Variants in ARHGAP6 observed in about 807,000 individuals in gnomAD.
ARHGAP6 encodes rho GTPase-activating protein 6.
A neutral mutation model predicts 55.7 loss-of-function variants in ARHGAP6; 16 were observed. The observed-to-expected ratio is 0.29, with a 90% CI of 0.19 to 0.44. The LOEUF (loss-of-function observed/expected upper bound fraction) is 0.44, where lower values mean the gene tolerates loss of function less well. Among genes scored for constraint, ARHGAP6 ranks in the 20% least tolerant of loss-of-function variants. ARHGAP6 has a pLI of 1.00. For missense variants in ARHGAP6, 698 were observed against 808.9 expected, an observed-to-expected ratio of 0.86 and a Z score of 1.66; for synonymous variants, 382 against 360.9, an observed-to-expected ratio of 1.06 and a Z score of -0.66.
At chrX:11,383,662 G>A (rs755203227) in intron 1 of ARHGAP6, among the ~76,000 whole-genome samples, 18 of 111,251 alleles carry the variant, frequency 1.6e-4, no homozygotes, top group Non-Finnish European at 3.4e-4. Flanking sequence ...TGACCTGCTC[G>A]TACATTTCTA....
chrX:11,145,417 G>A (rs771238840), intron 10 of ARHGAP6, among the ~76,000 whole-genome samples: 63 of 111,860 alleles, frequency 5.6e-4, no homozygotes, highest in African/African-American at 1.9e-3. Flanking sequence ...TGCCACAGCC[G>A]TAACTGAGGC....
chrX:11,453,906 T>G (rs1225191351), intron 1 of ARHGAP6, among the ~76,000 whole-genome samples: 1 of 111,514 alleles, frequency 9.0e-6, no homozygotes, highest in East Asian at 2.8e-4. Flanking sequence ...TCTCATCTTC[T>G]TTCCTTGGCT....
intron 1 of ARHGAP6, among the ~76,000 whole-genome samples, chrX:11,436,129 G>A (rs745706356): frequency 8.9e-6 from 1 of 112,203 alleles, no homozygotes; most frequent in South Asian, 3.7e-4. Flanking sequence ...AGAGTCTATC[G>A]AAAAGCCTTC....
intron 1 of ARHGAP6, among the ~76,000 whole-genome samples, chrX:11,467,226 C>G (rs2050302200): frequency 9.0e-6 from 1 of 110,890 alleles, no homozygotes. Flanking sequence ...ATTGCTTGAT[C>G]CCAGGAGTTC....
intron 1 of ARHGAP6, among the ~76,000 whole-genome samples, chrX:11,467,275 C>T (rs770387362): frequency 1.4e-4 from 15 of 110,145 alleles, no homozygotes; most frequent in African/African-American, 3.6e-4. Flanking sequence ...CCCATTTCCA[C>T]GAAATATTTA....
chrX:11,317,030 G>T (rs1181294077), intron 1 of ARHGAP6, among the ~76,000 whole-genome samples: 1 of 112,357 alleles, frequency 8.9e-6, no homozygotes, highest in Non-Finnish European at 1.9e-5. Context: ...GCATTTTGGG[G>T]CTCAGTGAGC....
chrX:11,511,668 A>T (rs952672109), intron 1 of ARHGAP6, among the ~76,000 whole-genome samples: 2 of 111,790 alleles, frequency 1.8e-5, no homozygotes, highest in African/African-American at 6.5e-5. Context: ...ATTTTGGTCC[A>T]TTGCAGAACA....
intron 1 of ARHGAP6, among the ~76,000 whole-genome samples, chrX:11,590,604 G>A (rs761868550): frequency 1.9e-5 from 2 of 106,460 alleles, no homozygotes; most frequent in Non-Finnish European, 3.8e-5. Context: ...GGCCAACATG[G>A]TGAAACCCCA....
At chrX:11,513,658 A>G (rs2050806598) in intron 1 of ARHGAP6, among the ~76,000 whole-genome samples, 1 of 110,623 alleles carries the variant, frequency 9.0e-6, no homozygotes, top group South Asian at 3.9e-4. Context: ...AACGTATGAG[A>G]CCCAGTTCTT....
chrX:11,490,701 G>A (rs2050558701), intron 1 of ARHGAP6, among the ~76,000 whole-genome samples: 1 of 112,027 alleles, frequency 8.9e-6, no homozygotes, highest in Admixed American at 9.4e-5. Flanking sequence ...CCAGTTTATG[G>A]CTATTCACAG....
chrX:11,465,457 A>G (rs1036389548), intron 1 of ARHGAP6, among the ~76,000 whole-genome samples: 1 of 112,527 alleles, frequency 8.9e-6, no homozygotes, highest in Non-Finnish European at 1.9e-5. Flanking sequence ...TAAGTAGTTG[A>G]AACTGACTTT....
chrX:11,484,487 C>A, intron 1 of ARHGAP6, among the ~76,000 whole-genome samples: 1 of 84,236 alleles, frequency 1.2e-5, no homozygotes. Flanking sequence ...AAAATGAGAG[C>A]AGAGGAGAAG....
At chrX:11,344,696 A>AG (rs1569307994) in intron 1 of ARHGAP6, among the ~76,000 whole-genome samples, 9 of 100,871 alleles carry the variant, frequency 8.9e-5, no homozygotes, top group Admixed American at 1.1e-4. Flanking sequence ...AAAAAAAAAA[A>AG]AAAAAAAAGA....
intron 1 of ARHGAP6, among the ~76,000 whole-genome samples, chrX:11,447,108 C>T (rs907984909): frequency 3.6e-5 from 4 of 111,792 alleles, no homozygotes; most frequent in African/African-American, 9.8e-5. Flanking sequence ...GACACTGTAG[C>T]GTCAGACACG....
chrX:11,627,431 A>G (rs1019191476), intron 1 of ARHGAP6, among the ~76,000 whole-genome samples: 3 of 112,290 alleles, frequency 2.7e-5, no homozygotes, highest in Admixed American at 1.9e-4. Flanking sequence ...GGAATATTAT[A>G]TAACAATTAA....
chrX:11,640,224 G>A (rs1474537855), intron 1 of ARHGAP6, among the ~76,000 whole-genome samples: 2 of 111,637 alleles, frequency 1.8e-5, no homozygotes, highest in African/African-American at 6.5e-5. Context: ...TCTCTCATCA[G>A]GCTATTTGTT....
intron 2 of ARHGAP6, among the ~76,000 whole-genome samples, chrX:11,252,428 G>A (rs937837300): frequency 8.9e-6 from 1 of 112,489 alleles, no homozygotes; most frequent in African/African-American, 3.2e-5. Context: ...TGTGAGTTAT[G>A]TTGGAGGGAG....
chrX:11,151,167 A>G (rs1425846996), intron 10 of ARHGAP6, among the ~76,000 whole-genome samples: 1 of 111,575 alleles, frequency 9.0e-6, no homozygotes, highest in Non-Finnish European at 1.9e-5. Flanking sequence ...AGGGTAGGGG[A>G]ACTATTTTAA....
Position 11,646,470 on chromosome X carries a change from T to G in ARHGAP6, c.588+17771A>C, listed in dbSNP as rs1482228294. 2.7e-5 allele frequency among the ~76,000 whole-genome samples: 3 copies of G among 111,470 alleles called. No homozygotes were observed. The East Asian group carries it at 8.5e-4, about 31-fold the overall frequency. ...AAACGCTGAGGAACAATAAGAAATGTGTTCAAGATTCCAAGGTTACAAAAA... is the reference window on the plus strand; with the variant it reads ...AAACGCTGAGGAACAATAAGAAATGGGTTCAAGATTCCAAGGTTACAAAAA... On this transcript the variant is annotated intron_variant, in intron 1 of 12. Transcript: ENST00000337414.
Sources: allele counts gnomAD v4.1 joint callset (sites outside exome capture counted in the v4.1 genomes callset), GRCh38; gene constraint gnomAD v4.1.1; transcripts MANE v1.5; gene names NCBI Gene and HGNC (gene_info 2026-07-23, HGNC 2026-07-21).